The following AGBL1 variants were observed in gnomAD, a reference collection of about 807,000 sequenced individuals.
AGBL1 encodes the protein cytosolic carboxypeptidase 4.
AGBL1 carries 130 observed loss-of-function variants against 118.9 expected under a neutral mutation model. The observed-to-expected ratio is 1.09, with a 90% confidence interval of 0.95 to 1.26. The LOEUF (loss-of-function observed/expected upper bound fraction) is 1.26. Ranked by LOEUF, AGBL1 falls within the 50% of genes most tolerant of loss-of-function variation. The probability of loss-of-function intolerance (pLI) is 0.00; values close to 1 mark genes in which losing one functional copy is unlikely to be tolerated. For missense variants in AGBL1, 1,584 were observed against 1,298.1 expected (o/e 1.22, Z -3.38); for synonymous variants, 555 against 478.9 (o/e 1.16, Z -2.08).
chr15:86,311,023 C>T (rs553848398), intron 17 of AGBL1, among the ~76,000 whole-genome samples: 1 of 152,280 alleles, frequency 6.6e-6, no homozygotes, highest in East Asian at 1.9e-4. Flanking sequence ...GCGCTTCACT[C>T]CTGGTTCCCT....
chr15:87,023,184 T>C (rs191808356), intron 24 of AGBL1, among the ~76,000 whole-genome samples: 2 of 152,126 alleles, frequency 1.3e-5, no homozygotes, highest in Non-Finnish European at 1.5e-5. Context: ...AGATACAGAA[T>C]TGCAGAATGA....
At chr15:86,555,819 C>A (rs1423916617) in intron 21 of AGBL1, among the ~76,000 whole-genome samples, 1 of 151,724 alleles carries the variant, frequency 6.6e-6, no homozygotes, top group Non-Finnish European at 1.5e-5. Context: ...TTTGTAGGGA[C>A]TAAAAGAAAA....
chr15:86,718,007 G>C (rs2086663189), intron 22 of AGBL1, among the ~76,000 whole-genome samples: 4 of 152,192 alleles, frequency 2.6e-5, no homozygotes, highest in Admixed American at 2.6e-4. Flanking sequence ...GAACCTGGGA[G>C]GTGGAGGTTG....
intron 22 of AGBL1, among the ~76,000 whole-genome samples, chr15:86,729,452 C>T (rs1201091372): frequency 6.6e-6 from 1 of 152,158 alleles, no homozygotes; most frequent in African/African-American, 2.4e-5. Flanking sequence ...TAGTAGTCCC[C>T]AGTGTCTACC....
intron 18 of AGBL1, among the ~76,000 whole-genome samples, chr15:86,469,319 TA>T (rs2082447637): frequency 6.6e-6 from 1 of 152,208 alleles, no homozygotes; most frequent in Admixed American, 6.5e-5. Context: ...ATTCCACATA[TA>T]AGTGAGACCA....
intron 24 of AGBL1, among the ~76,000 whole-genome samples, chr15:87,015,524 T>C (rs763197282): frequency 1.2e-4 from 18 of 152,200 alleles, no homozygotes; most frequent in Non-Finnish European, 2.2e-4. Flanking sequence ...ATGTGATTCA[T>C]TGCAACATTC....
At chr15:86,553,326 T>C (rs8035285) in intron 20 of AGBL1, among the ~76,000 whole-genome samples, 16,675 of 152,198 alleles carry the variant, frequency 0.11, 2,646 homozygotes, top group African/African-American at 0.35. Flanking sequence ...GGAGGAGGTC[T>C]AGTGGCTGGA....
chr15:86,492,879 T>A (rs911569540), intron 18 of AGBL1, among the ~76,000 whole-genome samples: 6 of 151,872 alleles, frequency 4.0e-5, no homozygotes, highest in African/African-American at 1.5e-4. Context: ...AACATGGTGA[T>A]CAGGGGTTTT....
At chr15:86,409,550 A>G (rs1347163946) in intron 18 of AGBL1, among the ~76,000 whole-genome samples, 3 of 152,096 alleles carry the variant, frequency 2.0e-5, no homozygotes, top group African/African-American at 7.2e-5. Flanking sequence ...AATAAATATT[A>G]CTATTTATTA....
chr15:86,497,163 AAGTC>A (rs2082864722), intron 18 of AGBL1, among the ~76,000 whole-genome samples: 1 of 151,980 alleles, frequency 6.6e-6, no homozygotes, highest in South Asian at 2.1e-4. Context: ...GAAGCAAAGA[AAGTC>A]AGCTATTTTA....
chr15:86,294,748 T>C (rs1273529715), intron 16 of AGBL1, among the ~76,000 whole-genome samples: 1 of 152,194 alleles, frequency 6.6e-6, no homozygotes. Flanking sequence ...TCTTTTTAAA[T>C]TGTTTGCTAA....
intron 5 of AGBL1, among the ~76,000 whole-genome samples, chr15:86,215,300 G>T (rs912793753): frequency 2.0e-5 from 3 of 149,836 alleles, no homozygotes; most frequent in Non-Finnish European, 3.0e-5. Flanking sequence ...CTCAATTCAG[G>T]CAGGAGGCCG....
chr15:86,175,447 T>A (rs1250515369), intron 5 of AGBL1, among the ~76,000 whole-genome samples: 1 of 152,000 alleles, frequency 6.6e-6, no homozygotes, highest in African/African-American at 2.4e-5. Flanking sequence ...TATTTATTTT[T>A]TAAAAACTTC....
chr15:86,837,272 C>G (rs566926996), intron 22 of AGBL1, among the ~76,000 whole-genome samples: 3 of 150,916 alleles, frequency 2.0e-5, no homozygotes, highest in African/African-American at 7.3e-5. Flanking sequence ...ACTAAGCCTT[C>G]CAAGAAACCA....
intron 3 of AGBL1, among the ~76,000 whole-genome samples, chr15:86,147,359 G>A (rs1235015812): frequency 6.6e-6 from 1 of 152,216 alleles, no homozygotes; most frequent in Non-Finnish European, 1.5e-5. Context: ...CCTGTCCTAG[G>A]TGAGGGAAGC....
intron 1 of AGBL1, among the ~76,000 whole-genome samples, chr15:86,087,450 T>A (rs181647959): frequency 1.8e-4 from 27 of 151,678 alleles, no homozygotes; most frequent in Admixed American, 7.9e-4. Context: ...TGCCTCAGAC[T>A]CCTGAGTAGC....
intron 7 of AGBL1, 118 bp downstream of exon 7, chr15:86,247,997 TGCTAAGG>T (rs2078749628): frequency 1.4e-5 from 18 of 1,304,560 alleles, no homozygotes; most frequent in Non-Finnish European, 1.8e-5. Flanking sequence ...TCTTGTTGCC[TGCTAAGG>T]GCGGATGTTC....
chr15:86,826,356 G>A (rs937906440), intron 22 of AGBL1, among the ~76,000 whole-genome samples: 1 of 152,116 alleles, frequency 6.6e-6, no homozygotes, highest in Non-Finnish European at 1.5e-5. Flanking sequence ...TCTGCCACCT[G>A]AAGAATATTG....
At chr15:86,916,533 A>G (rs1567238960), downstream of AGBL1, among the ~76,000 whole-genome samples, 1 of 152,156 alleles carries the variant, frequency 6.6e-6, no homozygotes, top group Non-Finnish European at 1.5e-5. Context: ...TAATTTAGGA[A>G]ATGATGGTTT....
Sources: allele counts gnomAD v4.1 joint callset (sites outside exome capture counted in the v4.1 genomes callset), GRCh38; gene constraint gnomAD v4.1.1; transcripts MANE v1.5; gene names NCBI Gene and HGNC (gene_info 2026-07-23, HGNC 2026-07-21).